Variants in MCPH1 observed in about 807,000 individuals in gnomAD.
The protein encoded by MCPH1 is microcephalin.
MCPH1 carries 104 observed loss-of-function variants against 84.5 expected under a neutral mutation model. The ratio of observed to expected loss-of-function variants is 1.23; its 90% confidence interval spans 1.05 to 1.45. The LOEUF (loss-of-function observed/expected upper bound fraction) is 1.45, where lower values mean the gene tolerates loss of function less well. MCPH1 is among the 40% of genes most tolerant of loss of function. The pLI, the probability that MCPH1 is intolerant of heterozygous loss-of-function variation, is 0.00. For synonymous variants in MCPH1, 514 were observed against 366.8 expected, an observed-to-expected ratio of 1.40 and a Z score of -4.58; for missense variants, 1,498 against 1,005.7, an observed-to-expected ratio of 1.49 and a Z score of -6.62.
At chr8:6,521,496 T>C (rs996238477) in intron 12 of MCPH1, 92 of 972,072 alleles carry the variant, frequency 9.5e-5, no homozygotes, top group Non-Finnish European at 1.3e-4. Context: ...TCCAAGGTAC[T>C]CTGTTAAGAT....
intron 4 of MCPH1, among the ~76,000 whole-genome samples, chr8:6,433,468 AC>A (rs1802144642): frequency 1.3e-5 from 2 of 151,828 alleles, no homozygotes; most frequent in Admixed American, 6.6e-5. Flanking sequence ...CCCCATCTCT[AC>A]TAAAAATACA....
At chr8:6,471,851 G>A (rs1807769661) in intron 9 of MCPH1, among the ~76,000 whole-genome samples, 1 of 152,202 alleles carries the variant, frequency 6.6e-6, no homozygotes, top group Non-Finnish European at 1.5e-5. Flanking sequence ...CTGGCCTATA[G>A]CTAATTGCAG....
chr8:6,411,886 T>A (rs774139981), intron 2 of MCPH1, among the ~76,000 whole-genome samples: 4 of 152,112 alleles, frequency 2.6e-5, no homozygotes, highest in Non-Finnish European at 5.9e-5. Flanking sequence ...ACTAATGTGC[T>A]CTTATAGGGA....
chr8:6,644,789 C>A lies in MCPH1; in HGVS notation c.*1740C>A, dbSNP rs992222026. On this transcript the variant is annotated 3_prime_UTR_variant, in exon 14 of 14. Coordinates refer to ENST00000344683, the MANE Select transcript of MCPH1 (RefSeq NM_024596.5). ...TTCCTACCTCAAATTTCAAGTCCCT[C>A]AACAAATATAACAGAACCACTTCTA... is the stretch of plus-strand genomic sequence containing the variant. 1 of 152,122 alleles carries A rather than the reference C, an allele frequency of 6.6e-6. No individual in the cohort carries two copies. Among genetic ancestry groups the A allele is most frequent in the African/African-American group, 2.4e-5 (1 of 41,386 alleles). The allele number at this position is 152,122 out of a possible 1,614,324, so 9.4% of individuals were successfully genotyped here. A position where few individuals can be genotyped will look rare whatever the true frequency, so the allele number is the denominator to read the frequency against.
chr8:6,496,305 G>C (rs1038655822), intron 11 of MCPH1, among the ~76,000 whole-genome samples: 6 of 152,138 alleles, frequency 3.9e-5, no homozygotes, highest in Non-Finnish European at 5.9e-5. Context: ...TGCCACTGCT[G>C]ATCTGACAGG....
chr8:6,604,229 TC>T (rs767199182), intron 12 of MCPH1, among the ~76,000 whole-genome samples: 2 of 151,896 alleles, frequency 1.3e-5, no homozygotes, highest in Non-Finnish European at 2.9e-5. Context: ...CATGGAGCCA[TC>T]CCAGACACAG....
intron 2 of MCPH1, among the ~76,000 whole-genome samples, chr8:6,409,854 G>A (rs1247275266): frequency 6.6e-6 from 1 of 152,152 alleles, no homozygotes; most frequent in Non-Finnish European, 1.5e-5. Flanking sequence ...GATGAAGAGT[G>A]GTGACAGAGG....
chr8:6,466,731 G>A (rs1237293178), intron 9 of MCPH1, among the ~76,000 whole-genome samples: 3 of 151,904 alleles, frequency 2.0e-5, no homozygotes, highest in Non-Finnish European at 2.9e-5. Context: ...CAGCCACCGC[G>A]CCTGGCCTAA....
Position 6,444,662 on chromosome 8 carries a change from G to C in MCPH1, c.940G>C (p.Asp314His), listed in dbSNP as rs930557. 1,273,060 of 1,613,834 alleles carry C rather than the reference G, an allele frequency of 0.79. 511,578 individuals are homozygous for C. The highest frequency in any genetic ancestry group is 0.83 in the Admixed American group (50,055 of 60,018). The change falls in exon 8 of 14, where the codon GAC becomes CAC. Residue 314 changes from aspartate to histidine, a missense_variant. By Grantham distance (81) the Asp-to-His change is moderately conservative. Coordinates refer to ENST00000344683, the MANE Select transcript of MCPH1 (RefSeq NM_024596.5). ...TATTGCAGGTAAAGTAGTCACCCCT[G>C]ACCAAAAGCAGGCTGCAGGTATGTC... ...RNIAGKVVTP[D>H]QKQAAGMSQE...
At chr8:6,572,226 C>T (rs1826717876) in intron 12 of MCPH1, among the ~76,000 whole-genome samples, 1 of 151,966 alleles carries the variant, frequency 6.6e-6, no homozygotes, top group South Asian at 2.1e-4. Flanking sequence ...AAGCCTGAAA[C>T]TATTCTAGTA....
intron 3 of MCPH1, among the ~76,000 whole-genome samples, chr8:6,427,095 G>GA (rs1563191302): frequency 1.3e-5 from 2 of 152,204 alleles, no homozygotes; most frequent in Non-Finnish European, 2.9e-5. Flanking sequence ...GTGCAGTTGT[G>GA]AAACAGTGGT....
intron 12 of MCPH1, chr8:6,500,653 G>T (rs1458206315): frequency 1.3e-5 from 2 of 152,108 alleles, no homozygotes; most frequent in African/African-American, 4.8e-5. Context: ...TTGTTGGGTT[G>T]TTTTGTTTTC....
intron 12 of MCPH1, chr8:6,618,886 C>G (rs1170764215): frequency 1.3e-5 from 2 of 152,216 alleles, no homozygotes; most frequent in Admixed American, 6.5e-5. Flanking sequence ...CGCCTTCCCA[C>G]TGGGCCATTT....
intron 11 of MCPH1, among the ~76,000 whole-genome samples, chr8:6,482,392 A>T (rs1488180732): frequency 1.3e-5 from 2 of 152,230 alleles, no homozygotes; most frequent in Non-Finnish European, 1.5e-5. Flanking sequence ...GGCATCCCCC[A>T]GGGGGCCACG....
At chr8:6,608,477 G>A (rs1829973424) in intron 12 of MCPH1, among the ~76,000 whole-genome samples, 1 of 152,132 alleles carries the variant, frequency 6.6e-6, no homozygotes, top group African/African-American at 2.4e-5. Flanking sequence ...GTTAGAACAG[G>A]GACTCAGGGA....
At chr8:6,630,804 AAAC>A (rs1176721314) in intron 13 of MCPH1, among the ~76,000 whole-genome samples, 3 of 151,908 alleles carry the variant, frequency 2.0e-5, no homozygotes, top group Non-Finnish European at 4.4e-5. Context: ...CAAAAAAAAA[AAAC>A]AATTATATAT....
chr8:6,613,269 C>T (rs373815042), intron 12 of MCPH1, among the ~76,000 whole-genome samples: 4 of 152,162 alleles, frequency 2.6e-5, no homozygotes, highest in African/African-American at 9.7e-5. Flanking sequence ...GAGGGGAGGA[C>T]GAGCCGGGTA....
At chr8:6,541,343 T>C (rs149913256) in intron 12 of MCPH1, among the ~76,000 whole-genome samples, 1,590 of 152,078 alleles carry the variant, frequency 0.01, 19 homozygotes, top group Middle Eastern at 0.044. Context: ...GACAGGCTAG[T>C]GGGTAACTCG....
chr8:6,590,698 C>T (rs575421115), intron 12 of MCPH1, among the ~76,000 whole-genome samples: 1 of 152,290 alleles, frequency 6.6e-6, no homozygotes, highest in South Asian at 2.1e-4. Context: ...CCTGGAAAAG[C>T]AGTTTATTGC....
Sources: gnomAD v4.1 joint callset for allele counts (sites outside exome capture counted in the v4.1 genomes callset) on GRCh38, gnomAD v4.1.1 for gene constraint, MANE v1.5 for transcripts, NCBI Gene and HGNC (gene_info 2026-07-23, HGNC 2026-07-21) for gene names.